The following PAPSS1 variants were observed in gnomAD, a reference collection of about 807,000 sequenced individuals.
PAPSS1 encodes bifunctional 3'-phosphoadenosine 5'-phosphosulfate synthase 1.
A neutral mutation model predicts 72.0 loss-of-function variants in PAPSS1; 50 were observed. That is an observed-to-expected ratio of 0.69 (90% CI 0.55 to 0.88). PAPSS1 has a LOEUF of 0.88. Among genes scored for constraint, PAPSS1 ranks in the 40% least tolerant of loss-of-function variants. The pLI, the probability that PAPSS1 is intolerant of heterozygous loss-of-function variation, is 0.00. For missense variants in PAPSS1, 657 were observed against 782.2 expected (o/e 0.84, Z 1.91); for synonymous variants, 261 against 263.6 (o/e 0.99, Z 0.09).
At chr4:107,710,299 G>C (rs1252183016) in intron 1 of PAPSS1, among the ~76,000 whole-genome samples, 1 of 152,188 alleles carries the variant, frequency 6.6e-6, no homozygotes, top group East Asian at 1.9e-4. Context: ...TTAATAGTCT[G>C]GGTGCTTTGT....
intron 10 of PAPSS1, among the ~76,000 whole-genome samples, chr4:107,632,101 T>A (rs1726239259): frequency 6.6e-6 from 1 of 152,078 alleles, no homozygotes; most frequent in African/African-American, 2.4e-5. Context: ...GTATATATAT[T>A]TATGTATTAC....
At chr4:107,642,531 C>T (rs1012294936) in intron 10 of PAPSS1, among the ~76,000 whole-genome samples, 5 of 152,112 alleles carry the variant, frequency 3.3e-5, no homozygotes, top group African/African-American at 9.7e-5. Context: ...ATAAGTTATA[C>T]ATTAACTAGC....
intron 1 of PAPSS1, among the ~76,000 whole-genome samples, chr4:107,707,219 C>T (rs1184959281): frequency 1.3e-5 from 2 of 152,142 alleles, no homozygotes; most frequent in Non-Finnish European, 2.9e-5. Context: ...ACCTGGCTCT[C>T]AGCTGGTCTG....
chr4:107,635,199 T>C (rs1360769517), intron 10 of PAPSS1, among the ~76,000 whole-genome samples: 1 of 152,184 alleles, frequency 6.6e-6, no homozygotes, highest in African/African-American at 2.4e-5. Context: ...CTTTTTTAGA[T>C]AGACTTCATC....
intron 11 of PAPSS1, among the ~76,000 whole-genome samples, chr4:107,625,591 C>T (rs991955875): frequency 3.3e-5 from 5 of 152,198 alleles, no homozygotes; most frequent in African/African-American, 9.6e-5. Context: ...GGATTCCTTT[C>T]AGAGCCTTCA....
At chr4:107,639,761 T>C (rs1025399227) in intron 10 of PAPSS1, among the ~76,000 whole-genome samples, 1 of 152,146 alleles carries the variant, frequency 6.6e-6, no homozygotes, top group Non-Finnish European at 1.5e-5. Context: ...CTCTTGGAAG[T>C]GTGTAGAGGG....
At chr4:107,693,397 A>C (rs2125933290) in intron 3 of PAPSS1, among the ~76,000 whole-genome samples, 1 of 152,340 alleles carries the variant, frequency 6.6e-6, no homozygotes, top group East Asian at 1.9e-4. Context: ...TGAGCAAAGA[A>C]GCCATGGTAG....
intron 1 of PAPSS1, among the ~76,000 whole-genome samples, chr4:107,702,573 C>T (rs920519885): frequency 6.6e-6 from 1 of 152,128 alleles, no homozygotes; most frequent in African/African-American, 2.4e-5. Context: ...ACAGGTGCAA[C>T]TTTTTTAGAT....
intron 5 of PAPSS1, among the ~76,000 whole-genome samples, chr4:107,669,367 T>C (rs1464842813): frequency 6.6e-6 from 1 of 152,218 alleles, no homozygotes; most frequent in Non-Finnish European, 1.5e-5. Context: ...TAGTTGTGTG[T>C]CTATGTGTAT....
rs762621283 is a variant in PAPSS1 at position 107,720,110 on chromosome 4, C to A, written c.60+10G>T. 6.2e-7 allele frequency: 1 copy of A among 1,601,006 alleles called. No homozygotes were observed. The highest frequency in any genetic ancestry group is 1.1e-5 in the South Asian group (1 of 89,484). On this transcript the variant is annotated intron_variant, in intron 1 of 11. Transcript: ENST00000265174. ...CGCTCCTCGCCGTCTCGCCTTCGTC[C>A]CCAGCTTACCCAGTTCTGCGCGTTA...
At chr4:107,617,860 AC>A (rs1296109117) in intron 11 of PAPSS1, among the ~76,000 whole-genome samples, 1 of 152,214 alleles carries the variant, frequency 6.6e-6, no homozygotes, top group Non-Finnish European at 1.5e-5. Context: ...ACCATGATAT[AC>A]GGGTCCATGC....
chr4:107,663,855 A>C (rs1215011343), intron 5 of PAPSS1, among the ~76,000 whole-genome samples: 2 of 152,328 alleles, frequency 1.3e-5, no homozygotes, highest in South Asian at 4.1e-4. Context: ...ATAGTTGAGA[A>C]GTATTGAAAA....
chr4:107,641,121 A>G (rs1726528849), intron 10 of PAPSS1, among the ~76,000 whole-genome samples: 1 of 152,212 alleles, frequency 6.6e-6, no homozygotes, highest in South Asian at 2.1e-4. Context: ...CTTGACCTTC[A>G]GTGTCCATCC....
chr4:107,679,423 G>C (rs1727743334), intron 5 of PAPSS1, among the ~76,000 whole-genome samples: 1 of 152,086 alleles, frequency 6.6e-6, no homozygotes, highest in Non-Finnish European at 1.5e-5. Context: ...ACTTCATAAG[G>C]AATAAGGACA....
At chr4:107,686,051 G>A (rs1022214160) in intron 4 of PAPSS1, among the ~76,000 whole-genome samples, 1 of 152,124 alleles carries the variant, frequency 6.6e-6, no homozygotes, top group East Asian at 1.9e-4. Context: ...AACAATAATG[G>A]AACAGGACAA....
chr4:107,687,392 G>C (rs1008498615), intron 3 of PAPSS1, among the ~76,000 whole-genome samples: 3 of 152,082 alleles, frequency 2.0e-5, no homozygotes, highest in Admixed American at 2.0e-4. Flanking sequence ...ACTAACCCAG[G>C]ATATTGGGGA....
At chr4:107,673,345 C>T (rs1406925182) in intron 5 of PAPSS1, among the ~76,000 whole-genome samples, 1 of 151,940 alleles carries the variant, frequency 6.6e-6, no homozygotes, top group African/African-American at 2.4e-5. Flanking sequence ...ACTAGAATAA[C>T]CAATGCAGAG....
chr4:107,670,044 G>A (rs1326732097), intron 5 of PAPSS1, among the ~76,000 whole-genome samples: 1 of 152,144 alleles, frequency 6.6e-6, no homozygotes, highest in Non-Finnish European at 1.5e-5. Flanking sequence ...CTTAGCACAA[G>A]GACCACTTGG....
rs145322098 is a variant in PAPSS1 at position 107,667,521 on chromosome 4, CCTGTGAGGTCTGAA to C, written c.670-7463_670-7450del. On this transcript the variant is annotated intron_variant, in intron 5 of 11. Coordinates refer to ENST00000265174, the MANE Select transcript of PAPSS1 (RefSeq NM_005443.5). ...GCAGTGTATAGGAGTGAGCCCTTAA[CCTGTGAGGTCTGAA>C]CTAACTCCACATAGCTAGGGTCAAA... is the stretch of plus-strand genomic sequence containing the variant. 2.1e-3 allele frequency among the ~76,000 whole-genome samples: 318 copies of C among 152,168 alleles called. 2 individuals carry two copies. The highest frequency in any genetic ancestry group is 7.3e-3 in the African/African-American group (301 of 41,504).
Sources: allele counts gnomAD v4.1 joint callset (sites outside exome capture counted in the v4.1 genomes callset), GRCh38; gene constraint gnomAD v4.1.1; transcripts MANE v1.5; gene names NCBI Gene and HGNC (gene_info 2026-07-23, HGNC 2026-07-21).